The following LRBA variants were observed in gnomAD, a reference collection of about 807,000 sequenced individuals.
LRBA encodes the protein lipopolysaccharide-responsive and beige-like anchor protein.
Under a neutral mutation model 330.0 loss-of-function variants are expected in LRBA, and 176 were observed. The observed-to-expected ratio is 0.53, with a 90% CI of 0.47 to 0.60. The LOEUF (loss-of-function observed/expected upper bound fraction) is 0.60. Ranked by LOEUF, LRBA falls within the 20% of genes least tolerant of loss-of-function variation. The pLI, the probability that LRBA is intolerant of heterozygous loss-of-function variation, is 0.00. For synonymous variants in LRBA, 1,230 were observed against 1,193.0 expected, an observed-to-expected ratio of 1.03 and a Z score of -0.64; for missense variants, 3,259 against 3,444.8, an observed-to-expected ratio of 0.95 and a Z score of 1.35.
intron 34 of LRBA, 78 bp from the exon 35 acceptor site, chr4:150,761,925 A>C: frequency 1.4e-6 from 1 of 734,316 alleles, no homozygotes; most frequent in Non-Finnish European, 2.3e-6. Context: ...ATAATGAAAA[A>C]TATCACCCAT....
chr4:150,364,010 C>T (rs546856803), intron 47 of LRBA, among the ~76,000 whole-genome samples: 4 of 152,142 alleles, frequency 2.6e-5, no homozygotes, highest in African/African-American at 9.6e-5. Context: ...GTTAACCATA[C>T]AATCAAATTT....
At chr4:150,600,289 C>T (rs569028262) in intron 37 of LRBA, among the ~76,000 whole-genome samples, 35 of 152,138 alleles carry the variant, frequency 2.3e-4, no homozygotes, top group African/African-American at 7.5e-4. Context: ...ACTTATATTT[C>T]GGGAGCTAAT....
At chr4:150,324,002 G>A (rs2126937162) in intron 49 of LRBA, among the ~76,000 whole-genome samples, 1 of 152,256 alleles carries the variant, frequency 6.6e-6, no homozygotes, top group Non-Finnish European at 1.5e-5. Context: ...ATGCACATAT[G>A]GACAAAGCGA....
intron 40 of LRBA, among the ~76,000 whole-genome samples, chr4:150,517,297 A>C (rs1328444835): frequency 6.6e-6 from 1 of 152,084 alleles, no homozygotes; most frequent in Non-Finnish European, 1.5e-5. Context: ...CAAGACAGGA[A>C]GACTGCTTGA....
intron 37 of LRBA, among the ~76,000 whole-genome samples, chr4:150,662,524 T>C (rs1198494318): frequency 6.6e-6 from 1 of 152,184 alleles, no homozygotes; most frequent in Admixed American, 6.5e-5. Context: ...CTTCCTACAT[T>C]CCAATATGTA....
intron 44 of LRBA, among the ~76,000 whole-genome samples, chr4:150,438,035 G>C (rs1751350457): frequency 1.3e-5 from 2 of 152,292 alleles, no homozygotes; most frequent in South Asian, 4.1e-4. Context: ...AGTCTCAAAG[G>C]AGTCTAAGGC....
intron 17 of LRBA, among the ~76,000 whole-genome samples, chr4:150,885,037 C>G (rs1320235972): frequency 6.6e-6 from 1 of 151,662 alleles, no homozygotes; most frequent in Non-Finnish European, 1.5e-5. Flanking sequence ...TATAGGCATT[C>G]AACAGGAGAC....
At chr4:150,579,916 T>A (rs947898651) in intron 40 of LRBA, 1 of 342,880 alleles carries the variant, frequency 2.9e-6, no homozygotes. Context: ...GCACCCTCTA[T>A]CCCCGCCACC....
At chr4:150,930,174 G>A (rs1280596978) in intron 2 of LRBA, among the ~76,000 whole-genome samples, 1 of 152,112 alleles carries the variant, frequency 6.6e-6, no homozygotes, top group East Asian at 1.9e-4. Context: ...AATTAGCTGG[G>A]CGTGGTGGCA....
intron 22 of LRBA, among the ~76,000 whole-genome samples, chr4:150,866,798 C>T (rs1273926954): frequency 2.6e-5 from 4 of 152,024 alleles, no homozygotes; most frequent in Non-Finnish European, 5.9e-5. Flanking sequence ...GTGGATGAAT[C>T]TCAAACAGTA....
intron 40 of LRBA, among the ~76,000 whole-genome samples, chr4:150,572,734 G>A (rs1444288155): frequency 6.6e-6 from 1 of 152,042 alleles, no homozygotes; most frequent in African/African-American, 2.4e-5. Context: ...TTAAAGGTTG[G>A]GCGATTTATT....
intron 46 of LRBA, among the ~76,000 whole-genome samples, chr4:150,433,675 T>C (rs1283526420): frequency 6.6e-6 from 1 of 152,158 alleles, no homozygotes; most frequent in East Asian, 1.9e-4. Flanking sequence ...AATATTTTCA[T>C]TTCTCTTATT....
chr4:150,420,235 C>CA (rs1352811081), intron 46 of LRBA, among the ~76,000 whole-genome samples: 3 of 143,206 alleles, frequency 2.1e-5, no homozygotes, highest in South Asian at 4.3e-4. Flanking sequence ...GACCCTGTCT[C>CA]AAAAAAAATA....
intron 50 of LRBA, among the ~76,000 whole-genome samples, chr4:150,318,093 A>G (rs1262495257): frequency 6.6e-6 from 1 of 152,182 alleles, no homozygotes; most frequent in African/African-American, 2.4e-5. Context: ...AAATATGCCC[A>G]GTCAGTGGCA....
rs1218513002 is a variant in LRBA at position 150,644,108 on chromosome 4, T to C, written c.5921+39443A>G. Among the ~76,000 whole-genome samples the C allele has an allele frequency of 2.0e-5, 3 of 152,088 alleles. No individual in the cohort carries two copies. In the East Asian group the frequency reaches 5.8e-4, roughly 29 times the overall value. ...AACATAAAAAAGAGAAACGTAGACT[T>C]TAAATAACATGTTTTTAAAGGCATA... is the stretch of plus-strand genomic sequence containing the variant. On this transcript the variant is annotated intron_variant, in intron 37 of 56. Coordinates refer to ENST00000651943, the MANE Select transcript of LRBA (RefSeq NM_001364905.1).
chr4:150,851,853 A>T, intron 23 of LRBA, 32 bp downstream of exon 23: 1 of 1,541,384 alleles, frequency 6.5e-7, no homozygotes, highest in Non-Finnish European at 8.7e-7. Context: ...CTCAGTGCAA[A>T]AGTACTTGAA....
chr4:150,938,033 G>A (rs987833337), intron 2 of LRBA, among the ~76,000 whole-genome samples: 3 of 149,572 alleles, frequency 2.0e-5, no homozygotes, highest in African/African-American at 7.4e-5. Flanking sequence ...CTGGAAACTT[G>A]CTAAATTTTT....
chr4:150,376,004 T>G (rs1393557198), intron 47 of LRBA, among the ~76,000 whole-genome samples: 1 of 152,192 alleles, frequency 6.6e-6, no homozygotes, highest in African/African-American at 2.4e-5. Context: ...AGGTTGCATA[T>G]TTAAGTATCT....
intron 30 of LRBA, among the ~76,000 whole-genome samples, chr4:150,822,658 G>A (rs1404866899): frequency 6.6e-6 from 1 of 152,080 alleles, no homozygotes; most frequent in Non-Finnish European, 1.5e-5. Context: ...GGGGACTGAG[G>A]AAGAACGATC....
Sources: allele counts gnomAD v4.1 joint callset (sites outside exome capture counted in the v4.1 genomes callset), GRCh38; gene constraint gnomAD v4.1.1; transcripts MANE v1.5; gene names NCBI Gene and HGNC (gene_info 2026-07-23, HGNC 2026-07-21).